The following RCOR1 variants were observed in gnomAD, a reference collection of about 807,000 sequenced individuals.
RCOR1 encodes the protein REST corepressor 1.
Under a neutral mutation model 64.0 loss-of-function variants are expected in RCOR1, and 12 were observed. The observed-to-expected ratio is 0.19, with a 90% CI of 0.12 to 0.30. RCOR1 has a LOEUF of 0.30. RCOR1 is among the 10% of genes least tolerant of loss of function. RCOR1 has a pLI of 1.00. For missense variants in RCOR1, 502 were observed against 621.2 expected, an observed-to-expected ratio of 0.81 and a Z score of 2.04; for synonymous variants, 279 against 227.2, an observed-to-expected ratio of 1.23 and a Z score of -2.05.
At chr14:102,712,494 A>G (rs2139988609) in intron 7 of RCOR1, among the ~76,000 whole-genome samples, 1 of 152,034 alleles carries the variant, frequency 6.6e-6, no homozygotes, top group South Asian at 2.1e-4. Context: ...GAGTTACCTT[A>G]TCCTATGTGG....
chr14:102,629,219 A>G (rs1387671586), intron 2 of RCOR1, among the ~76,000 whole-genome samples: 1 of 152,166 alleles, frequency 6.6e-6, no homozygotes. Flanking sequence ...GTGTACTGAA[A>G]TGTGACATTC....
Position 102,726,772 on chromosome 14 carries a change from C to A in RCOR1, c.*266C>A. 2.2e-6 allele frequency: 1 copy of A among 450,832 alleles called. No homozygotes were observed. The highest frequency in any genetic ancestry group is 4.4e-5 in the Admixed American group (1 of 22,898). The allele number at this position is 450,832 out of a possible 1,614,324, so 27.9% of individuals were successfully genotyped here. A position where few individuals can be genotyped will look rare whatever the true frequency, so the allele number is the denominator to read the frequency against. On this transcript the variant is annotated 3_prime_UTR_variant, in exon 12 of 12. Transcript: ENST00000262241. ...CTCACGGCCTGCACATCTCTTGTGACTCTGGGAACCGCCTCTCCCGCCGGA... is the reference window on the plus strand; with the variant it reads ...CTCACGGCCTGCACATCTCTTGTGAATCTGGGAACCGCCTCTCCCGCCGGA...
At chr14:102,642,280 G>T (rs1349171155) in intron 2 of RCOR1, among the ~76,000 whole-genome samples, 1 of 152,116 alleles carries the variant, frequency 6.6e-6, no homozygotes, top group Non-Finnish European at 1.5e-5. Context: ...CTTGATTAGT[G>T]TAAGTTGTAT....
chr14:102,676,755 A>G (rs1267859084), intron 2 of RCOR1, among the ~76,000 whole-genome samples: 1 of 73,606 alleles, frequency 1.4e-5, no homozygotes, highest in African/African-American at 6.0e-5. Flanking sequence ...TCCCTCCCGG[A>G]CGGGGCGGCT....
chr14:102,643,328 C>CT, intron 2 of RCOR1: 1 of 980,586 alleles, frequency 1.0e-6, no homozygotes, highest in Non-Finnish European at 1.2e-6. Flanking sequence ...GTGAACAAAC[C>CT]TTATAGAGCT....
intron 2 of RCOR1, among the ~76,000 whole-genome samples, chr14:102,626,468 T>C (rs1430222183): frequency 6.6e-6 from 1 of 152,214 alleles, no homozygotes; most frequent in South Asian, 2.1e-4. Flanking sequence ...CTCTGGAGAA[T>C]CATGGCACCT....
At chr14:102,647,959 A>C (rs1894509897) in intron 2 of RCOR1, among the ~76,000 whole-genome samples, 1 of 152,202 alleles carries the variant, frequency 6.6e-6, no homozygotes, top group Non-Finnish European at 1.5e-5. Flanking sequence ...GATCACAGGC[A>C]TATACCACCA....
chr14:102,684,530 A>T lies in RCOR1; in HGVS notation c.445+2552A>T, dbSNP rs372509100. Among the ~76,000 whole-genome samples the T allele has an allele frequency of 3.6e-4, 55 of 152,318 alleles. 1 individual carries two copies. In the East Asian group the frequency reaches 9.1e-3, roughly 25 times the overall value. Reference sequence around the variant, plus strand: ...GGCAGGATGAGGACGGCTTTGTAGAAATGCATTATTTTCTATCAGGAAAGA... The same window carrying T: ...GGCAGGATGAGGACGGCTTTGTAGATATGCATTATTTTCTATCAGGAAAGA... On this transcript the variant is annotated intron_variant, in intron 3 of 11. Coordinates refer to ENST00000262241, the MANE Select transcript of RCOR1 (RefSeq NM_015156.4).
chr14:102,641,944 A>G (rs1894378401), intron 2 of RCOR1, among the ~76,000 whole-genome samples: 1 of 152,164 alleles, frequency 6.6e-6, no homozygotes. Flanking sequence ...AATCATGGGA[A>G]TTTGAGCAGC....
intron 2 of RCOR1, among the ~76,000 whole-genome samples, chr14:102,615,478 C>T (rs1175778135): frequency 4.5e-5 from 6 of 134,082 alleles, no homozygotes; most frequent in Admixed American, 8.3e-5. Context: ...GATGGAGTTT[C>T]GCTCTTGTCG....
intron 4 of RCOR1, among the ~76,000 whole-genome samples, chr14:102,704,591 C>T (rs1047753574): frequency 6.6e-6 from 1 of 152,150 alleles, no homozygotes; most frequent in Non-Finnish European, 1.5e-5. Flanking sequence ...GCCACCATGC[C>T]CGGCTAATTT....
chr14:102,663,989 A>G (rs1334372558), intron 2 of RCOR1, among the ~76,000 whole-genome samples: 3 of 152,230 alleles, frequency 2.0e-5, no homozygotes, highest in Non-Finnish European at 4.4e-5. Context: ...TTTCTAGTGC[A>G]GAGTTGACTT....
chr14:102,723,695 GCC>G (rs1178500763), intron 11 of RCOR1, among the ~76,000 whole-genome samples: 1 of 152,098 alleles, frequency 6.6e-6, no homozygotes, highest in African/African-American at 2.4e-5. Flanking sequence ...AGCACTAATT[GCC>G]CCTGTTAGCA....
chr14:102,697,265 G>A (rs1030327801), intron 3 of RCOR1, among the ~76,000 whole-genome samples: 1 of 152,202 alleles, frequency 6.6e-6, no homozygotes, highest in Non-Finnish European at 1.5e-5. Context: ...TTCTTGGGAA[G>A]GTCAGGGCGT....
intron 11 of RCOR1, 127 bp from the exon 12 acceptor site, chr14:102,726,341 A>AT (rs1428592194): frequency 1.2e-6 from 1 of 837,346 alleles, no homozygotes; most frequent in East Asian, 2.7e-5. Flanking sequence ...AAAAAAAAAA[A>AT]AAAGAACTCG....
intron 3 of RCOR1, among the ~76,000 whole-genome samples, chr14:102,699,165 G>A (rs926694283): frequency 7.2e-5 from 11 of 152,320 alleles, no homozygotes; most frequent in African/African-American, 1.9e-4. Flanking sequence ...GATTACAGGC[G>A]TGAGCCACCG....
intron 2 of RCOR1, among the ~76,000 whole-genome samples, chr14:102,627,572 G>A (rs922176542): frequency 6.6e-6 from 1 of 151,514 alleles, no homozygotes; most frequent in Non-Finnish European, 1.5e-5. Flanking sequence ...CAGGAGAATC[G>A]CTTGAACCCG....
chr14:102,725,736 C>T (rs1332657672), intron 11 of RCOR1, among the ~76,000 whole-genome samples: 5 of 151,918 alleles, frequency 3.3e-5, no homozygotes, highest in East Asian at 1.9e-4. Flanking sequence ...CCACCACGCA[C>T]GGCCAATATT....
In RCOR1 at chr14:102,726,463, C is replaced by T. The variant is rs547789068; in HGVS notation, c.1420-5C>T. ...TTTTTTTTTTTTTTTTCCTCTTGGC[C>T]TCAGGCTCCTGTTCTGGATGTCAGA... On this transcript the variant is annotated splice_region_variant and splice_polypyrimidine_tract_variant and intron_variant, in intron 11 of 11. Transcript: ENST00000262241. 52 of 1,579,876 alleles carry T rather than the reference C, an allele frequency of 3.3e-5. No individual in the cohort carries two copies. In the African/African-American group the frequency reaches 7.1e-4, roughly 21 times the overall value.
Sources: allele counts gnomAD v4.1 joint callset (sites outside exome capture counted in the v4.1 genomes callset), GRCh38; gene constraint gnomAD v4.1.1; transcripts MANE v1.5; gene names NCBI Gene and HGNC (gene_info 2026-07-23, HGNC 2026-07-21).